The following GRIP1 variants were observed in gnomAD, a reference collection of about 807,000 sequenced individuals.
The protein encoded by GRIP1 is glutamate receptor interacting protein 1.
GRIP1 carries 45 observed loss-of-function variants against 129.9 expected under a neutral mutation model. The observed-to-expected ratio is 0.35, with a 90% CI of 0.27 to 0.44. GRIP1 has a LOEUF of 0.44. Ranked by LOEUF, GRIP1 falls within the 20% of genes least tolerant of loss-of-function variation. The pLI, the probability that GRIP1 is intolerant of heterozygous loss-of-function variation, is 1.00. For synonymous variants in GRIP1, 530 were observed against 520.8 expected, an observed-to-expected ratio of 1.02 and a Z score of -0.24; for missense variants, 1,196 against 1,396.8, an observed-to-expected ratio of 0.86 and a Z score of 2.29.
chr12:66,555,223 G>T (rs2062283098), intron 2 of GRIP1, among the ~76,000 whole-genome samples: 1 of 152,134 alleles, frequency 6.6e-6, no homozygotes. Flanking sequence ...TGTCTGTTTG[G>T]GAGAAAGTAT....
chr12:66,924,862 C>T (rs1218237694), intron 1 of GRIP1, among the ~76,000 whole-genome samples: 5 of 152,048 alleles, frequency 3.3e-5, no homozygotes, highest in Non-Finnish European at 5.9e-5. Flanking sequence ...CCCAGCTACT[C>T]GGGAGGCTGA....
At chr12:66,705,154 C>T (rs745581911) in intron 1 of GRIP1, among the ~76,000 whole-genome samples, 7 of 151,934 alleles carry the variant, frequency 4.6e-5, no homozygotes, top group African/African-American at 1.7e-4. Flanking sequence ...GATTCCATGA[C>T]AATTTTATGG....
chr12:66,944,676 G>GAACA (rs2041638408), intron 1 of GRIP1, among the ~76,000 whole-genome samples: 1 of 152,290 alleles, frequency 6.6e-6, no homozygotes, highest in East Asian at 1.9e-4. Context: ...AAGGGAAAGG[G>GAACA]AACAGCCTGA....
intron 11 of GRIP1, among the ~76,000 whole-genome samples, chr12:66,450,170 G>A (rs1327440694): frequency 1.3e-5 from 2 of 151,698 alleles, no homozygotes; most frequent in African/African-American, 2.4e-5. Context: ...CGGGCGTGGT[G>A]GCAGGCGCCT....
intron 1 of GRIP1, among the ~76,000 whole-genome samples, chr12:66,715,471 T>TGTGTGTGTGTGTGTGA (rs761155485): frequency 4.4e-4 from 48 of 110,130 alleles, no homozygotes; most frequent in East Asian, 1.0e-3. Flanking sequence ...TGTGTGTGTG[T>TGTGTGTGTGTGTGTGA]GAGAGAGAGA....
intron 7 of GRIP1, among the ~76,000 whole-genome samples, chr12:66,509,342 CA>C (rs761938806): frequency 2.6e-5 from 4 of 152,198 alleles, no homozygotes; most frequent in Non-Finnish European, 5.9e-5. Context: ...ATCTTTTCAT[CA>C]GTCCTATGAA....
At chr12:66,991,503 A>G (rs1215350656) in intron 1 of GRIP1, among the ~76,000 whole-genome samples, 1 of 152,230 alleles carries the variant, frequency 6.6e-6, no homozygotes, top group Non-Finnish European at 1.5e-5. Context: ...AAATATGACA[A>G]TGGTCAAAGT....
upstream of GRIP1, among the ~76,000 whole-genome samples, chr12:66,804,939 A>G (rs959344098): frequency 1.3e-5 from 2 of 152,162 alleles, no homozygotes; most frequent in Admixed American, 1.3e-4. Context: ...AGCTGCTTTC[A>G]AATGACACGT....
intron 1 of GRIP1, among the ~76,000 whole-genome samples, chr12:66,851,279 G>A (rs940811768): frequency 1.3e-5 from 2 of 151,824 alleles, no homozygotes; most frequent in African/African-American, 4.8e-5. Context: ...CAGGACATCT[G>A]GAAAGTGGAG....
At chr12:66,400,310 A>G (rs953288662) in intron 16 of GRIP1, among the ~76,000 whole-genome samples, 2 of 149,736 alleles carry the variant, frequency 1.3e-5, no homozygotes, top group African/African-American at 5.1e-5. Context: ...AAAAAAGAGA[A>G]AAGTACTTTT....
intron 1 of GRIP1, among the ~76,000 whole-genome samples, chr12:66,827,812 TTAGA>T (rs2039445663): frequency 6.6e-6 from 1 of 152,230 alleles, no homozygotes; most frequent in Non-Finnish European, 1.5e-5. Flanking sequence ...ACTGCAAAAA[TTAGA>T]TAGACATGTG....
At chr12:66,899,474 C>CA (rs11370928) in intron 1 of GRIP1, among the ~76,000 whole-genome samples, 109,571 of 151,942 alleles carry the variant, frequency 0.72, 40,646 homozygotes, top group African/African-American at 0.92. Flanking sequence ...AGTGATCCCC[C>CA]ACCTCAGCCT....
chr12:66,760,847 C>CTT (rs758075509), intron 1 of GRIP1, among the ~76,000 whole-genome samples: 1 of 144,170 alleles, frequency 6.9e-6, no homozygotes. Context: ...TAGTTAGTAT[C>CTT]TTTTTTTTTT....
intron 9 of GRIP1, among the ~76,000 whole-genome samples, chr12:66,461,121 T>C (rs974786220): frequency 2.0e-5 from 3 of 152,224 alleles, no homozygotes; most frequent in African/African-American, 7.2e-5. Flanking sequence ...AGTCCATATA[T>C]TTTAGTGTAT....
intron 1 of GRIP1, among the ~76,000 whole-genome samples, chr12:66,737,165 T>A (rs1395642452): frequency 6.6e-6 from 1 of 152,212 alleles, no homozygotes; most frequent in Non-Finnish European, 1.5e-5. Flanking sequence ...CTCAGTTGCA[T>A]AAGATGCTTG....
At chr12:66,497,715 G>C (rs928749396) in intron 7 of GRIP1, among the ~76,000 whole-genome samples, 1 of 152,188 alleles carries the variant, frequency 6.6e-6, no homozygotes, top group Non-Finnish European at 1.5e-5. Flanking sequence ...GCACGGACAA[G>C]TGTGTGGACA....
intron 1 of GRIP1, among the ~76,000 whole-genome samples, chr12:66,934,217 T>G (rs1392810481): frequency 6.6e-6 from 1 of 152,252 alleles, no homozygotes; most frequent in Admixed American, 6.5e-5. Context: ...AAGCACATCA[T>G]GCAACATCTC....
At chr12:67,062,487 C>A (rs2043552864) in intron 1 of GRIP1, among the ~76,000 whole-genome samples, 2 of 152,224 alleles carry the variant, frequency 1.3e-5, no homozygotes, top group South Asian at 4.1e-4. Flanking sequence ...AGTCTTTTAA[C>A]ACTTCCTCTA....
At chr12:66,593,728 G>A (rs547267362) in intron 2 of GRIP1, among the ~76,000 whole-genome samples, 1 of 152,124 alleles carries the variant, frequency 6.6e-6, no homozygotes, top group African/African-American at 2.4e-5. Flanking sequence ...GGACCACTGG[G>A]AGTGGAGCTT....
Sources: gnomAD v4.1 joint callset for allele counts (sites outside exome capture counted in the v4.1 genomes callset) on GRCh38, gnomAD v4.1.1 for gene constraint, MANE v1.5 for transcripts, NCBI Gene and HGNC (gene_info 2026-07-23, HGNC 2026-07-21) for gene names.